Variants in NTNG1 observed in about 807,000 individuals in gnomAD.
NTNG1 encodes the protein netrin-G1.
In NTNG1, 16 loss-of-function variants were observed where a neutral mutation model predicts 54.0. The observed-to-expected ratio is 0.30, with a 90% CI of 0.20 to 0.45. NTNG1 has a LOEUF of 0.45. NTNG1 is among the 20% of genes least tolerant of loss of function. NTNG1 has a pLI of 1.00. For synonymous variants in NTNG1, 255 were observed against 263.1 expected (o/e 0.97, Z 0.30); for missense variants, 530 against 678.7 (o/e 0.78, Z 2.43).
At chr1:107,462,969 A>G (rs915600744) in intron 7 of NTNG1, among the ~76,000 whole-genome samples, 3 of 152,170 alleles carry the variant, frequency 2.0e-5, no homozygotes, top group Non-Finnish European at 2.9e-5. Flanking sequence ...TGACTCCACA[A>G]TCCTTGCAAT....
intron 7 of NTNG1, among the ~76,000 whole-genome samples, chr1:107,455,814 C>G (rs1676921449): frequency 6.6e-6 from 1 of 152,218 alleles, no homozygotes; most frequent in Non-Finnish European, 1.5e-5. Context: ...TAAGAATTCT[C>G]TTCATCATCA....
rs11185113 is a variant in NTNG1 at position 107,431,440 on chromosome 1, T to G, written c.1255+523T>G. ...TGTAAAAGTTTGTCTGACTTCTTCA[T>G]CCATAGCAATGAAATTCCATTTATT... On this transcript the variant is annotated intron_variant, in intron 6 of 7. Coordinates refer to ENST00000370068, the MANE Select transcript of NTNG1 (RefSeq NM_001113226.3). Among the ~76,000 whole-genome samples, 330 of 152,268 alleles carry G rather than the reference T, an allele frequency of 2.2e-3. 2 individuals are homozygous for G. Among genetic ancestry groups the G allele is most frequent in the African/African-American group, 7.8e-3 (325 of 41,570 alleles).
intron 2 of NTNG1, among the ~76,000 whole-genome samples, chr1:107,155,971 T>C (rs1293279780): frequency 1.3e-5 from 2 of 152,194 alleles, no homozygotes; most frequent in South Asian, 4.1e-4. Context: ...TACAGGCTTG[T>C]AGCCTAGGAG....
chr1:107,301,990 T>C (rs1006402987), intron 2 of NTNG1, among the ~76,000 whole-genome samples: 1 of 152,192 alleles, frequency 6.6e-6, no homozygotes, highest in Non-Finnish European at 1.5e-5. Context: ...GCTCTTTCCA[T>C]AGGGTCTCCA....
At position 107,484,619 on chromosome 1, in the gene NTNG1, A is replaced by C. The variant is rs1373644981; in HGVS notation, c.*3779A>C. ...CAGGTTGGAAGAAGGCGTCTGCTCCACAGTTCAGCTGGCCCTGTAGTTAAT... is the reference window on the plus strand; with the variant it reads ...CAGGTTGGAAGAAGGCGTCTGCTCCCCAGTTCAGCTGGCCCTGTAGTTAAT... On this transcript the variant is annotated 3_prime_UTR_variant, in exon 8 of 8. Coordinates refer to ENST00000370068, the MANE Select transcript of NTNG1 (RefSeq NM_001113226.3). 3.3e-5 allele frequency among the ~76,000 whole-genome samples: 5 copies of C among 152,186 alleles called. No individual in the cohort carries two copies. Among genetic ancestry groups the C allele is most frequent in the Admixed American group, 2.0e-4 (3 of 15,282 alleles).
At chr1:107,417,434 T>A (rs1299871957) in intron 5 of NTNG1, among the ~76,000 whole-genome samples, 2 of 152,108 alleles carry the variant, frequency 1.3e-5, no homozygotes, top group Non-Finnish European at 2.9e-5. Flanking sequence ...TGATAATACC[T>A]GTTTACAGTA....
chr1:107,196,478 T>C (rs1389460517), intron 2 of NTNG1, among the ~76,000 whole-genome samples: 1 of 152,070 alleles, frequency 6.6e-6, no homozygotes, highest in African/African-American at 2.4e-5. Context: ...TCTTATCCCA[T>C]GGAAGTTGAG....
intron 2 of NTNG1, among the ~76,000 whole-genome samples, chr1:107,185,620 T>C (rs1198082615): frequency 1.3e-5 from 2 of 152,206 alleles, no homozygotes; most frequent in Non-Finnish European, 2.9e-5. Context: ...TGTGGGACAC[T>C]ATTGAAGTCA....
At chr1:107,353,438 C>G (rs1373835114) in intron 3 of NTNG1, among the ~76,000 whole-genome samples, 1 of 152,160 alleles carries the variant, frequency 6.6e-6, no homozygotes, top group Non-Finnish European at 1.5e-5. Context: ...CAAAGGTGAC[C>G]TTTACTCCTG....
chr1:107,409,173 C>G (rs1673637675), intron 5 of NTNG1: 1 of 152,170 alleles, frequency 6.6e-6, no homozygotes, highest in Non-Finnish European at 1.5e-5. Context: ...GCTTTAGTAT[C>G]CCCCTTGGCA....
At chr1:107,419,623 CAAA>C (rs11370557) in intron 5 of NTNG1, among the ~76,000 whole-genome samples, 1 of 139,344 alleles carries the variant, frequency 7.2e-6, no homozygotes, top group Admixed American at 7.1e-5. Flanking sequence ...CTTCCTTCTT[CAAA>C]AAAAAAAAAA....
At chr1:107,207,630 TC>T (rs527778800) in intron 2 of NTNG1, among the ~76,000 whole-genome samples, 2 of 152,342 alleles carry the variant, frequency 1.3e-5, no homozygotes, top group African/African-American at 4.8e-5. Context: ...GCTGTTGTTT[TC>T]TTGTTTTCAT....
chr1:107,444,774 C>T (rs1322523352), intron 7 of NTNG1, among the ~76,000 whole-genome samples: 1 of 152,048 alleles, frequency 6.6e-6, no homozygotes, highest in Non-Finnish European at 1.5e-5. Flanking sequence ...AATGCAGGCA[C>T]AGTTTTATCT....
chr1:107,240,624 C>T (rs1393641473), intron 2 of NTNG1, among the ~76,000 whole-genome samples: 3 of 152,162 alleles, frequency 2.0e-5, no homozygotes, highest in Non-Finnish European at 4.4e-5. Context: ...CCTTCTTGTT[C>T]TCTGAAAAGC....
intron 3 of NTNG1, among the ~76,000 whole-genome samples, chr1:107,331,964 T>C (rs1024633175): frequency 1.3e-5 from 2 of 152,050 alleles, no homozygotes; most frequent in African/African-American, 4.8e-5. Flanking sequence ...AGTATTCAAA[T>C]GAAAAGCATG....
chr1:107,248,513 A>G (rs527985572), intron 2 of NTNG1, among the ~76,000 whole-genome samples: 2 of 152,164 alleles, frequency 1.3e-5, no homozygotes, highest in Non-Finnish European at 2.9e-5. Context: ...AAGATTACCT[A>G]GCGTACTTTC....
At chr1:107,252,059 C>T (rs1662640383) in intron 2 of NTNG1, among the ~76,000 whole-genome samples, 1 of 152,174 alleles carries the variant, frequency 6.6e-6, no homozygotes. Context: ...CTAAGTTCCT[C>T]ATTTGTAAAA....
intron 2 of NTNG1, among the ~76,000 whole-genome samples, chr1:107,237,279 G>C (rs1415253303): frequency 6.6e-6 from 1 of 152,172 alleles, no homozygotes; most frequent in African/African-American, 2.4e-5. Flanking sequence ...TGAGAGTGAT[G>C]ATTTAGGGTA....
intron 3 of NTNG1, among the ~76,000 whole-genome samples, chr1:107,346,391 G>C (rs181747889): frequency 6.6e-6 from 1 of 152,298 alleles, no homozygotes; most frequent in African/African-American, 2.4e-5. Flanking sequence ...TGGCAACCCA[G>C]ATGCAGAGTG....
Sources: allele counts gnomAD v4.1 joint callset (sites outside exome capture counted in the v4.1 genomes callset), GRCh38; gene constraint gnomAD v4.1.1; transcripts MANE v1.5; gene names NCBI Gene and HGNC (gene_info 2026-07-23, HGNC 2026-07-21).